RCC1: variants seen among roughly 807,000 people sequenced by gnomAD.
RCC1 encodes regulator of chromosome condensation.
A neutral mutation model predicts 44.4 loss-of-function variants in RCC1; 11 were observed. That is an observed-to-expected ratio of 0.25 (90% CI 0.16 to 0.41). The LOEUF is 0.41. Among genes scored for constraint, RCC1 ranks in the 10% least tolerant of loss-of-function variants. The pLI is 1.00. For missense variants in RCC1, 386 were observed against 547.1 expected (o/e 0.71, Z 2.94); for synonymous variants, 213 against 216.5 (o/e 0.98, Z 0.14).
intron 2 of RCC1, 42 bp from the exon 3 acceptor site, chr1:28,508,788 G>C (rs1419790665): frequency 1.9e-6 from 1 of 518,564 alleles, no homozygotes; most frequent in Admixed American, 1.9e-5. Context: ...TTAAGTTGAA[G>C]TAGGATCTTC....
Position 28,536,909 on chromosome 1 carries a change from G to T in RCC1, c.1090+10G>T, listed in dbSNP as rs758375720. 11 of 1,613,726 alleles carry T rather than the reference G, an allele frequency of 6.8e-6. No homozygotes were observed. In the East Asian group the frequency reaches 2.2e-4, roughly 33 times the overall value. On this transcript the variant is annotated intron_variant, in intron 12 of 12. Transcript: ENST00000683442. This position sits in a 1 kb window ranked among gnomAD's most constrained non-coding sequence, Gnocchi z 4.9. ...GCTGTGACCAAGGATGGTGAGTGGGGCTGCCTACACTCTGTCTAGTTGGGA... is the reference window on the plus strand; with the variant it reads ...GCTGTGACCAAGGATGGTGAGTGGGTCTGCCTACACTCTGTCTAGTTGGGA...
chr1:28,525,311 C>T (rs1663577639), intron 4 of RCC1, among the ~76,000 whole-genome samples: 2 of 152,222 alleles, frequency 1.3e-5, no homozygotes, highest in Admixed American at 6.5e-5. Flanking sequence ...TTCATTTCTG[C>T]CTTTTAGTTT....
Position 28,536,670 on chromosome 1 carries a change from G to A in RCC1, c.938-77G>A, listed in dbSNP as rs1160525771. On this transcript the variant is annotated intron_variant, in intron 11 of 12. Coordinates refer to ENST00000683442, the MANE Select transcript of RCC1 (RefSeq NM_001381865.2). This position sits in a 1 kb window ranked among gnomAD's most constrained non-coding sequence, Gnocchi z 4.9. ...CAGGGACACACTCCCATGGACAGGT[G>A]GACTCACCTAGCCTGCCACCCATTT... 57 of 1,530,300 alleles carry A rather than the reference G, an allele frequency of 3.7e-5. No individual in the cohort carries two copies. Among genetic ancestry groups the A allele is most frequent in the Non-Finnish European group, 8.9e-6 (10 of 1,119,102 alleles). The allele number at this position is 1,530,300 out of a possible 1,614,324, so 94.8% of individuals were successfully genotyped here.
In RCC1 at chr1:28,516,830, G is replaced by C. The variant is rs558334471; in HGVS notation, c.-47G>C. ...AAATTTCACAGTACATCATCCAAAA[G>C]AGGAGTCCATGATGGAGGCAGAGGT... is the stretch of plus-strand genomic sequence containing the variant. On this transcript the variant is annotated 5_prime_UTR_variant, in exon 4 of 13. Transcript: ENST00000683442. 17 of 456,664 alleles carry C rather than the reference G, an allele frequency of 3.7e-5. No homozygotes were observed. The highest frequency in any genetic ancestry group is 3.2e-4 in the African/African-American group (16 of 50,168). 28.3% of individuals were successfully genotyped at this position (456,664 alleles called of 1,614,324 possible). A position where few individuals can be genotyped will look rare whatever the true frequency, so the allele number is the denominator to read the frequency against.
Position 28,536,494 on chromosome 1 carries a change from C to T in RCC1, c.937+113C>T. On this transcript the variant is annotated intron_variant, in intron 11 of 12. Transcript: ENST00000683442. The surrounding 1 kb of genome is among the most constrained non-coding windows in gnomAD (Gnocchi z 4.9). ...GCCTGGGTCTGTTCCATGGGTTGTA[C>T]CATACATGGGTCCATGAGAGTCACT... 1 of 1,367,294 alleles carries T rather than the reference C, an allele frequency of 7.3e-7. No individual in the cohort carries two copies. The highest frequency in any genetic ancestry group is 1.0e-6 in the Non-Finnish European group (1 of 1,003,308). 84.7% of individuals were successfully genotyped at this position (1,367,294 alleles called of 1,614,324 possible).
intron 5 of RCC1, among the ~76,000 whole-genome samples, chr1:28,531,100 G>T (rs957336393): frequency 2.1e-4 from 32 of 152,100 alleles, no homozygotes; most frequent in African/African-American, 7.5e-4. Context: ...GCGGTGGCGC[G>T]CGCCTGTAGT....
rs749875676 is a variant in RCC1 at position 28,508,815 on chromosome 1, T to C, written c.-228-15T>C. On this transcript the variant is annotated splice_polypyrimidine_tract_variant and intron_variant, in intron 2 of 12. Transcript: ENST00000683442. ...AGGATCTTCAGGAGTCTAATCATTA[T>C]TTCTTTTCTTTTAGGAGAGAAGACG... is the stretch of plus-strand genomic sequence containing the variant. 9.7e-6 allele frequency: 5 copies of C among 517,566 alleles called. No individual in the cohort carries two copies. Among genetic ancestry groups the C allele is most frequent in the South Asian group, 4.2e-5 (3 of 71,416 alleles). The allele number at this position is 517,566 out of a possible 1,614,324, so 32.1% of individuals were successfully genotyped here.
Position 28,507,749 on chromosome 1 carries a change from G to A in RCC1, c.-261-379G>A, listed in dbSNP as rs536590989. 1.2e-4 allele frequency: 42 copies of A among 340,292 alleles called. 1 individual carries two copies. The highest frequency in any genetic ancestry group is 2.2e-4 in the Non-Finnish European group (38 of 172,810). 21.1% of individuals were successfully genotyped at this position (340,292 alleles called of 1,614,324 possible). A position where few individuals can be genotyped will look rare whatever the true frequency, so the allele number is the denominator to read the frequency against. On this transcript the variant is annotated intron_variant, in intron 1 of 12. Transcript: ENST00000683442. Reference sequence around the variant, plus strand: ...GGCCTCCTGAGTAGCTGGGATTACAGGCCCCCGCCACCACGCCAGGCTAAT... The same window carrying A: ...GGCCTCCTGAGTAGCTGGGATTACAAGCCCCCGCCACCACGCCAGGCTAAT...
chr1:28,513,908 A>G (rs988461817), intron 3 of RCC1, among the ~76,000 whole-genome samples: 1 of 152,036 alleles, frequency 6.6e-6, no homozygotes, highest in Non-Finnish European at 1.5e-5. Context: ...TTAACTTACA[A>G]TAGTCCACAT....
chr1:28,533,470 C>CAAA (rs201704268), intron 7 of RCC1, among the ~76,000 whole-genome samples: 1 of 107,392 alleles, frequency 9.3e-6, no homozygotes, highest in Non-Finnish European at 1.9e-5. Flanking sequence ...GACTCCATCT[C>CAAA]AAAAAAAAAA....
In RCC1 at chr1:28,523,690, T is replaced by G. The variant is rs114631390; in HGVS notation, c.-9-6168T>G. On this transcript the variant is annotated intron_variant, in intron 4 of 12. Transcript: ENST00000683442. ...TTGTTTCCTGCTTTTTCTCCTGACT[T>G]CTTATTGTGAGTACTTTTCATGCTA... Among the ~76,000 whole-genome samples the G allele has an allele frequency of 2.9e-3, 444 of 152,278 alleles. 2 individuals are homozygous for G. The highest frequency in any genetic ancestry group is 0.01 in the African/African-American group (431 of 41,550).
intron 4 of RCC1, among the ~76,000 whole-genome samples, chr1:28,522,837 G>GTA (rs1446001728): frequency 2.7e-5 from 4 of 150,752 alleles, no homozygotes; most frequent in African/African-American, 9.8e-5. Flanking sequence ...ATATATATAT[G>GTA]TATATATATA....
At chr1:28,522,826 A>AAT (rs1427754685) in intron 4 of RCC1, among the ~76,000 whole-genome samples, 2 of 151,504 alleles carry the variant, frequency 1.3e-5, no homozygotes, top group African/African-American at 2.4e-5. Flanking sequence ...AAAAAAAATA[A>AAT]ATATATATAT....
At chr1:28,512,443 T>A (rs1662621349) in intron 3 of RCC1, among the ~76,000 whole-genome samples, 1 of 152,210 alleles carries the variant, frequency 6.6e-6, no homozygotes, top group Non-Finnish European at 1.5e-5. Flanking sequence ...CTTATTCTTG[T>A]ACTGTGCCTG....
chr1:28,533,594 A>C (rs1254994734), intron 7 of RCC1, among the ~76,000 whole-genome samples: 1 of 148,800 alleles, frequency 6.7e-6, no homozygotes, highest in Non-Finnish European at 1.5e-5. Context: ...AACATGGAGA[A>C]ACCCTGTCTC....
At chr1:28,530,591 C>A in intron 5 of RCC1, 1 of 1,605,218 alleles carries the variant, frequency 6.2e-7, no homozygotes, top group Non-Finnish European at 8.5e-7. Flanking sequence ...CGGGCCGAGC[C>A]CTCCTGACCA....
At position 28,535,066 on chromosome 1, in the gene RCC1, T is replaced by C; in HGVS notation, c.458T>C (p.Ile153Thr). The C allele has an allele frequency of 6.2e-7, 1 of 1,613,992 alleles. No homozygotes were observed. Among genetic ancestry groups the C allele is most frequent in the Non-Finnish European group, 8.5e-7 (1 of 1,179,922 alleles). Reference sequence around the variant, plus strand: ...CCCTTCTAGGACAATAACGGTGTGATTGGACTGTTGGAGCCCATGAAGAAG... The same window carrying C: ...CCCTTCTAGGACAATAACGGTGTGACTGGACTGTTGGAGCCCATGAAGAAG... ...WGSFRDNNGV[I>T]GLLEPMKKSM... The change falls in exon 8 of 13, where the codon ATT (isoleucine) becomes ACT (threonine). Residue 153 changes from isoleucine (I) to threonine (T), a missense_variant. Transcript: ENST00000683442.
At chr1:28,531,656 T>G in intron 5 of RCC1, 147 bp from the exon 6 acceptor site, 1 of 539,090 alleles carries the variant, frequency 1.9e-6, no homozygotes, top group Non-Finnish European at 3.0e-6. Context: ...TGTCCCCATT[T>G]CACAGATGAC....
chr1:28,538,195 C>T lies in RCC1; in HGVS notation c.*188C>T. 1.8e-6 allele frequency: 1 copy of T among 550,264 alleles called. No individual in the cohort carries two copies. Among genetic ancestry groups the T allele is most frequent in the South Asian group, 2.8e-5 (1 of 35,756 alleles). 34.1% of individuals were successfully genotyped at this position (550,264 alleles called of 1,614,324 possible). A position where few individuals can be genotyped will look rare whatever the true frequency, so the allele number is the denominator to read the frequency against. ...CCTCCTCTTTGGAATTTTCCTGGGA[C>T]CTACAGAATAAAGGGGGGGATGGAC... is the stretch of plus-strand genomic sequence containing the variant. On this transcript the variant is annotated 3_prime_UTR_variant, in exon 13 of 13. Coordinates refer to ENST00000683442, the MANE Select transcript of RCC1 (RefSeq NM_001381865.2).
Sources: gnomAD v4.1 joint callset for allele counts (sites outside exome capture counted in the v4.1 genomes callset) on GRCh38, gnomAD v4.1.1 for gene constraint, Gnocchi (gnomAD v3.1) non-coding constraint, MANE v1.5 for transcripts, NCBI Gene and HGNC (gene_info 2026-07-23, HGNC 2026-07-21) for gene names.